Variants in GLIPR1 observed in about 807,000 individuals in gnomAD.
GLIPR1 encodes the protein glioma pathogenesis-related protein 1.
Under a neutral mutation model 30.3 loss-of-function variants are expected in GLIPR1, and 38 were observed. That is an observed-to-expected ratio of 1.26 (90% confidence interval 0.97 to 1.65). GLIPR1 has a LOEUF of 1.65. Among genes scored for constraint, GLIPR1 ranks in the 40% most tolerant of loss-of-function variants. The pLI, the probability that GLIPR1 is intolerant of heterozygous loss-of-function variation, is 0.00. For missense variants in GLIPR1, 285 were observed against 326.5 expected (o/e 0.87, Z 0.98); for synonymous variants, 122 against 110.6 (o/e 1.10, Z -0.65).
At position 75,502,908 on chromosome 12, in the gene GLIPR1, A is replaced by AACTT. The variant is rs2046404474; in HGVS notation, c.*3931_*3934dup. 1 of 151,794 alleles carries AACTT rather than the reference A, an allele frequency of 6.6e-6. No homozygotes were observed. The highest frequency in any genetic ancestry group is 2.1e-4 in the South Asian group (1 of 4,830). The allele number at this position is 151,794 out of a possible 1,614,324, so 9.4% of individuals were successfully genotyped here. A position where few individuals can be genotyped will look rare whatever the true frequency, so the allele number is the denominator to read the frequency against. On this transcript the variant is annotated 3_prime_UTR_variant, in exon 6 of 6. Transcript: ENST00000266659. The stretch of plus-strand genomic sequence containing the variant: ...ACTATCAATTTCCTCCATGATCCAA[A>AACTT]ACTTCCATTGTTTTTTCACTATGAT...
At position 75,482,267 on chromosome 12, in the gene GLIPR1, G is replaced by A. The variant is rs2046274832; in HGVS notation, c.420+188G>A. Among the ~76,000 whole-genome samples the A allele has an allele frequency of 2.0e-5, 3 of 152,138 alleles. No individual in the cohort carries two copies. The South Asian group carries it at 6.2e-4, about 32-fold the overall frequency. On this transcript the variant is annotated intron_variant, in intron 2 of 5. Coordinates refer to ENST00000266659, the MANE Select transcript of GLIPR1 (RefSeq NM_006851.3). ...AGTTGTGTGAACTAAACACATAATA[G>A]GTAATATGTGAGGCCCACCAACTTG...
At position 75,481,017 on chromosome 12, in the gene GLIPR1, C is replaced by G; in HGVS notation, c.137C>G (p.Ser46Ter). The G allele has an allele frequency of 6.2e-7, 1 of 1,613,678 alleles. No individual in the cohort carries two copies. The highest frequency in any genetic ancestry group is 8.5e-7 in the Non-Finnish European group (1 of 1,179,674). ...DCVRIHNKFR[S>*]EVKPTASDML... ...GTTCGAATCCATAACAAGTTCCGAT[C>G]AGAGGTGAAACCAACAGCCAGTGAT... Residue 46 changes from serine to a stop codon, truncating the protein, a stop_gained, in exon 1 of 6, where the codon TCA (serine) becomes TGA (stop). Transcript: ENST00000266659. LOFTEE classifies it high-confidence loss of function.
Position 75,499,149 on chromosome 12 carries a change from C to CATCTT in GLIPR1, c.*172_*176dup, listed in dbSNP as rs2046372526. 2.2e-6 allele frequency: 1 copy of CATCTT among 462,082 alleles called. No individual in the cohort carries two copies. The highest frequency in any genetic ancestry group is 2.0e-5 in the African/African-American group (1 of 48,960). The allele number at this position is 462,082 out of a possible 1,614,324, so 28.6% of individuals were successfully genotyped here. A position where few individuals can be genotyped will look rare whatever the true frequency, so the allele number is the denominator to read the frequency against. ...ATTTCCTAACTCTATCAGATAAACT[C>CATCTT]ATCTTTAGTATAAATAAGCATTATT... On this transcript the variant is annotated 3_prime_UTR_variant, in exon 6 of 6. Transcript: ENST00000266659.
At chr12:75,484,051 G>A (rs2046282941) in intron 2 of GLIPR1, 1 of 152,104 alleles carries the variant, frequency 6.6e-6, no homozygotes, top group Admixed American at 6.5e-5. Flanking sequence ...GAGCTTACTT[G>A]TAAAATTTCC....
chr12:75,493,051 A>C (rs2046332038), intron 3 of GLIPR1: 1 of 152,238 alleles, frequency 6.6e-6, no homozygotes, highest in Non-Finnish European at 1.5e-5. Flanking sequence ...AAAGTTTGGC[A>C]AGTTTAAACC....
chr12:75,485,557 A>ATTTATTTATTTATTTATTTT (rs1481453592), intron 2 of GLIPR1, among the ~76,000 whole-genome samples: 1 of 148,312 alleles, frequency 6.7e-6, no homozygotes, highest in African/African-American at 2.5e-5. Flanking sequence ...TTATTTATTT[A>ATTTATTTATTTATTTATTTT]TTTATTTTTT....
chr12:75,501,366 C>A lies in GLIPR1; in HGVS notation c.*2388C>A, dbSNP rs1296428148. 6 of 185,112 alleles carry A rather than the reference C, an allele frequency of 3.2e-5. No homozygotes were observed. Among genetic ancestry groups the A allele is most frequent in the African/African-American group, 1.4e-4 (6 of 42,268 alleles). 11.5% of individuals were successfully genotyped at this position (185,112 alleles called of 1,614,324 possible). A position where few individuals can be genotyped will look rare whatever the true frequency, so the allele number is the denominator to read the frequency against. On this transcript the variant is annotated 3_prime_UTR_variant, in exon 6 of 6. Coordinates refer to ENST00000266659, the MANE Select transcript of GLIPR1 (RefSeq NM_006851.3). ...GATCACATAAAGAGAAGAAAAAGTA[C>A]AACTTCTGATAATTCCTCTTTGAGA...
intron 2 of GLIPR1, among the ~76,000 whole-genome samples, chr12:75,488,718 G>C (rs1251678533): frequency 6.6e-6 from 1 of 152,276 alleles, no homozygotes; most frequent in East Asian, 1.9e-4. Flanking sequence ...GTCCCACCCA[G>C]GGATCACACA....
intron 4 of GLIPR1, chr12:75,497,641 A>G (rs1029112373): frequency 6.6e-6 from 1 of 152,214 alleles, no homozygotes. Context: ...GGTAAAGGTT[A>G]GAGGATAAAA....
In GLIPR1 at chr12:75,490,560, C is replaced by CA. The variant is rs766938980; in HGVS notation, c.533+42_533+43insA. ...ACCGGTTTATAGGAAACGCCCCCCC[C>CA]CCCCCGCAAAAAAAAACAACAACAA... On this transcript the variant is annotated intron_variant, in intron 3 of 5. Transcript: ENST00000266659. 9 of 188,592 alleles carry CA rather than the reference C, an allele frequency of 4.8e-5. 3 individuals are homozygous for CA. Among genetic ancestry groups the CA allele is most frequent in the Admixed American group, 3.5e-4 (3 of 8,570 alleles). 11.7% of individuals were successfully genotyped at this position (188,592 alleles called of 1,614,324 possible).
At chr12:75,486,790 T>C (rs2046295588) in intron 2 of GLIPR1, among the ~76,000 whole-genome samples, 1 of 141,084 alleles carries the variant, frequency 7.1e-6, no homozygotes, top group Admixed American at 7.1e-5. Flanking sequence ...AGAAACAGAT[T>C]AATGACTGCT....
At chr12:75,488,196 T>TGCA (rs1430056005) in intron 2 of GLIPR1, among the ~76,000 whole-genome samples, 1 of 152,204 alleles carries the variant, frequency 6.6e-6, no homozygotes, top group East Asian at 1.9e-4. Flanking sequence ...CGTCTGGGAA[T>TGCA]GCAGCCCAGT....
At chr12:75,494,018 T>C (rs966995006) in intron 3 of GLIPR1, 5 of 152,248 alleles carry the variant, frequency 3.3e-5, no homozygotes, top group African/African-American at 7.2e-5. Context: ...CAATGATTAA[T>C]GTCTATTTTG....
chr12:75,495,079 C>T (rs1199988862), intron 3 of GLIPR1: 3 of 152,238 alleles, frequency 2.0e-5, no homozygotes, highest in Non-Finnish European at 4.4e-5. Flanking sequence ...AAGGCACCAG[C>T]CAAATGGCTC....
At chr12:75,481,802 A>T (rs1278413125) in intron 1 of GLIPR1, 32 bp from the exon 2 acceptor site, 2 of 1,607,068 alleles carry the variant, frequency 1.2e-6, no homozygotes, top group Non-Finnish European at 1.7e-6. Flanking sequence ...ATTTCAGATG[A>T]ACCCCCTATT....
At chr12:75,494,253 A>G (rs1002288375) in intron 3 of GLIPR1, 3 of 152,190 alleles carry the variant, frequency 2.0e-5, no homozygotes, top group Non-Finnish European at 2.9e-5. Context: ...GGAGAGGAGG[A>G]CCATAAACTT....
At position 75,500,411 on chromosome 12, in the gene GLIPR1, C is replaced by CA. The variant is rs1243811649; in HGVS notation, c.*1437dup. The stretch of plus-strand genomic sequence containing the variant: ...AATCAGCTAACCCTAAGCTAGAGGT[C>CA]AAAATCTACTTCCTCTAATATCAAA... On this transcript the variant is annotated 3_prime_UTR_variant, in exon 6 of 6. Transcript: ENST00000266659. The CA allele has an allele frequency of 4.6e-5, 7 of 151,886 alleles. No individual in the cohort carries two copies. 9.4% of individuals were successfully genotyped at this position (151,886 alleles called of 1,614,324 possible).
At chr12:75,493,433 A>G (rs1319769460) in intron 3 of GLIPR1, 1 of 152,202 alleles carries the variant, frequency 6.6e-6, no homozygotes, top group African/African-American at 2.4e-5. Flanking sequence ...TTAATCTTCC[A>G]GTTGCCTGTA....
intron 3 of GLIPR1, 67 bp downstream of exon 3, chr12:75,490,585 A>AC (rs2046318180): frequency 4.2e-6 from 2 of 478,822 alleles, no homozygotes; most frequent in South Asian, 4.0e-5. Context: ...AACAACAACA[A>AC]AAAAAAACAT....
Sources: gnomAD v4.1 joint callset for allele counts (sites outside exome capture counted in the v4.1 genomes callset) on GRCh38, gnomAD v4.1.1 for gene constraint, MANE v1.5 for transcripts, NCBI Gene and HGNC (gene_info 2026-07-23, HGNC 2026-07-21) for gene names.